Variants in CCSER1 observed in about 807,000 individuals in gnomAD.
CCSER1 encodes serine-rich coiled-coil domain-containing protein 1.
In CCSER1, 41 loss-of-function variants were observed where a neutral mutation model predicts 82.0. That is an observed-to-expected ratio of 0.50 (90% confidence interval 0.39 to 0.65). The LOEUF (loss-of-function observed/expected upper bound fraction) is 0.65. CCSER1 is among the 30% of genes least tolerant of loss of function. The pLI is 0.00. For missense variants in CCSER1, 1,119 were observed against 1,064.2 expected (o/e 1.05, Z -0.72); for synonymous variants, 414 against 383.9 (o/e 1.08, Z -0.92).
chr4:90,128,811 T>A (rs2153306642), intron 1 of CCSER1, among the ~76,000 whole-genome samples: 1 of 152,124 alleles, frequency 6.6e-6, no homozygotes, highest in East Asian at 1.9e-4. Flanking sequence ...TTTTAGTGTA[T>A]CCTGAACTGC....
intron 10 of CCSER1, among the ~76,000 whole-genome samples, chr4:91,279,456 TTGTC>T (rs1281390140): frequency 1.3e-5 from 2 of 152,098 alleles, no homozygotes; most frequent in Non-Finnish European, 2.9e-5. Flanking sequence ...TCCTTTATCT[TTGTC>T]TGACTGAGTT....
At chr4:90,777,429 T>C (rs912761834) in intron 7 of CCSER1, among the ~76,000 whole-genome samples, 35 of 151,496 alleles carry the variant, frequency 2.3e-4, no homozygotes, top group Admixed American at 1.8e-3. Context: ...GTACTTCCTA[T>C]TTTCCTCCTT....
At chr4:91,498,020 C>T (rs1355243840) in intron 10 of CCSER1, among the ~76,000 whole-genome samples, 1 of 151,998 alleles carries the variant, frequency 6.6e-6, no homozygotes, top group Non-Finnish European at 1.5e-5. Flanking sequence ...TGCAAAACCA[C>T]TGTGAACAGA....
chr4:90,358,350 C>A (rs1427667690), intron 3 of CCSER1, among the ~76,000 whole-genome samples: 1 of 152,096 alleles, frequency 6.6e-6, no homozygotes, highest in Non-Finnish European at 1.5e-5. Flanking sequence ...ACTTTTACAT[C>A]CTCCACCACC....
intron 10 of CCSER1, among the ~76,000 whole-genome samples, chr4:91,090,579 C>T (rs1001448674): frequency 7.9e-5 from 12 of 152,138 alleles, no homozygotes; most frequent in African/African-American, 2.4e-4. Flanking sequence ...CAGAAATTGT[C>T]AGGGTGGTTC....
At chr4:90,399,666 A>G (rs1358742745) in intron 3 of CCSER1, among the ~76,000 whole-genome samples, 1 of 152,102 alleles carries the variant, frequency 6.6e-6, no homozygotes, top group Admixed American at 6.5e-5. Flanking sequence ...AATATCACTA[A>G]AGAAGTTTTT....
intron 1 of CCSER1, among the ~76,000 whole-genome samples, chr4:90,145,377 G>A (rs1156345043): frequency 2.0e-5 from 3 of 152,078 alleles, no homozygotes; most frequent in African/African-American, 7.2e-5. Flanking sequence ...GAAACAATAA[G>A]TGTACTCCTG....
intron 10 of CCSER1, among the ~76,000 whole-genome samples, chr4:91,250,603 C>T (rs562676031): frequency 1.3e-4 from 20 of 151,104 alleles, no homozygotes; most frequent in South Asian, 8.4e-4. Flanking sequence ...TATAGTGTGG[C>T]TTTGTAAAGT....
intron 3 of CCSER1, among the ~76,000 whole-genome samples, chr4:90,382,242 C>T (rs1749316257): frequency 6.6e-6 from 1 of 151,878 alleles, no homozygotes. Context: ...ATTTTTTATC[C>T]TAATAATATT....
chr4:90,854,294 A>G (rs1338813030), intron 8 of CCSER1, among the ~76,000 whole-genome samples: 2 of 152,176 alleles, frequency 1.3e-5, no homozygotes, highest in African/African-American at 2.4e-5. Context: ...AATCCTGGAT[A>G]AGGATAGTGA....
At chr4:90,615,298 T>G (rs1345829024) in intron 5 of CCSER1, among the ~76,000 whole-genome samples, 1 of 152,204 alleles carries the variant, frequency 6.6e-6, no homozygotes, top group Non-Finnish European at 1.5e-5. Context: ...CGTTGAGGAA[T>G]TTTGATGCTC....
At chr4:91,577,816 G>A (rs1457680484) in intron 10 of CCSER1, among the ~76,000 whole-genome samples, 1 of 150,672 alleles carries the variant, frequency 6.6e-6, no homozygotes, top group Non-Finnish European at 1.5e-5. Flanking sequence ...GCAATAATTA[G>A]TATTTTATCT....
intron 10 of CCSER1, among the ~76,000 whole-genome samples, chr4:91,449,466 T>G (rs1206363896): frequency 6.6e-6 from 1 of 151,988 alleles, no homozygotes; most frequent in Non-Finnish European, 1.5e-5. Context: ...TGGTGCTCAG[T>G]AGACACCTCT....
rs183024891 is a variant in CCSER1 at position 91,269,003 on chromosome 4, C to T, written c.2217+183009C>T. On this transcript the variant is annotated intron_variant, in intron 10 of 10. Coordinates refer to ENST00000509176, the MANE Select transcript of CCSER1 (RefSeq NM_001145065.2). The stretch of plus-strand genomic sequence containing the variant: ...CTGAAATGCTAACAATAAAATTCAG[C>T]CTGATTATCACTATTTTTGGTCATG... Among the ~76,000 whole-genome samples the T allele has an allele frequency of 1.7e-3, 263 of 152,258 alleles. 2 individuals are homozygous for T. The highest frequency in any genetic ancestry group is 5.9e-3 in the African/African-American group (244 of 41,538).
At chr4:90,414,883 T>C (rs770789828) in intron 4 of CCSER1, among the ~76,000 whole-genome samples, 7 of 152,192 alleles carry the variant, frequency 4.6e-5, no homozygotes, top group Non-Finnish European at 1.0e-4. Context: ...TTTTTCTTTA[T>C]GTAGTTTCAC....
At chr4:91,540,199 A>G (rs1338569618) in intron 10 of CCSER1, among the ~76,000 whole-genome samples, 2 of 152,106 alleles carry the variant, frequency 1.3e-5, no homozygotes, top group African/African-American at 4.8e-5. Flanking sequence ...TCACAGTGGT[A>G]CATTTGTAGA....
intron 3 of CCSER1, among the ~76,000 whole-genome samples, chr4:90,364,280 A>G (rs1276385808): frequency 6.6e-6 from 1 of 152,016 alleles, no homozygotes; most frequent in Non-Finnish European, 1.5e-5. Flanking sequence ...TCAGGAAACC[A>G]TCTGTCTCCC....
chr4:91,375,454 T>TATG (rs1386473936), intron 10 of CCSER1, among the ~76,000 whole-genome samples: 1 of 151,920 alleles, frequency 6.6e-6, no homozygotes, highest in African/African-American at 2.4e-5. Flanking sequence ...CAAACAGCAT[T>TATG]ACACACTACA....
chr4:90,708,453 A>T (rs530723012), intron 6 of CCSER1, among the ~76,000 whole-genome samples: 5 of 152,270 alleles, frequency 3.3e-5, no homozygotes, highest in Non-Finnish European at 5.9e-5. Context: ...GCTAGGGAGA[A>T]AGGCTGGGAG....
Sources: allele counts gnomAD v4.1 joint callset (sites outside exome capture counted in the v4.1 genomes callset), GRCh38; gene constraint gnomAD v4.1.1; transcripts MANE v1.5; gene names NCBI Gene and HGNC (gene_info 2026-07-23, HGNC 2026-07-21).